Variants in MAP2 observed in about 807,000 individuals in gnomAD.
MAP2 encodes microtubule-associated protein 2.
In MAP2, 14 loss-of-function variants were observed where a neutral mutation model predicts 137.6. That is an observed-to-expected ratio of 0.10 (90% CI 0.07 to 0.16). The LOEUF is 0.16. Ranked by LOEUF, MAP2 falls within the 10% of genes least tolerant of loss-of-function variation. The pLI, the probability that MAP2 is intolerant of heterozygous loss-of-function variation, is 1.00. For synonymous variants in MAP2, 786 were observed against 782.3 expected (o/e 1.00, Z -0.08); for missense variants, 2,088 against 2,191.5 (o/e 0.95, Z 0.94).
chr2:209,660,115 T>G (rs1339230686), intron 5 of MAP2, among the ~76,000 whole-genome samples: 1 of 152,038 alleles, frequency 6.6e-6, no homozygotes, highest in East Asian at 1.9e-4. Flanking sequence ...CTTGGGTAAA[T>G]GTAAAGATTA....
chr2:209,504,898 G>A lies in MAP2; in HGVS notation c.-221-2694G>A, dbSNP rs563429556. On this transcript the variant is annotated intron_variant, in intron 1 of 15. Transcript: ENST00000682079. Reference sequence around the variant, plus strand: ...GTCTTTCATAGCCTAGTGTTCTTATGTACATTCTATTTTAGCCATCTCTTG... The same window carrying A: ...GTCTTTCATAGCCTAGTGTTCTTATATACATTCTATTTTAGCCATCTCTTG... Among the ~76,000 whole-genome samples the A allele has an allele frequency of 4.6e-5, 7 of 152,096 alleles. No individual in the cohort carries two copies. In the East Asian group the frequency reaches 1.2e-3, roughly 25 times the overall value.
At chr2:209,596,261 G>A (rs1307720271) in intron 3 of MAP2, among the ~76,000 whole-genome samples, 1 of 152,136 alleles carries the variant, frequency 6.6e-6, no homozygotes, top group Admixed American at 6.6e-5. Context: ...GATAAAATGT[G>A]TATTTTCCCT....
intron 10 of MAP2, among the ~76,000 whole-genome samples, chr2:209,697,403 C>T (rs1243877251): frequency 6.6e-5 from 10 of 151,878 alleles, no homozygotes; most frequent in Admixed American, 6.6e-4. Context: ...GCTTATTTAT[C>T]TCTCTCATGC....
At chr2:209,451,869 C>G (rs1358487458) in intron 1 of MAP2, among the ~76,000 whole-genome samples, 1 of 152,160 alleles carries the variant, frequency 6.6e-6, no homozygotes, top group Non-Finnish European at 1.5e-5. Context: ...CAACCTAATC[C>G]TCTCTCTACT....
intron 7 of MAP2, among the ~76,000 whole-genome samples, chr2:209,688,114 C>G (rs2153703684): frequency 6.6e-6 from 1 of 152,226 alleles, no homozygotes; most frequent in African/African-American, 2.4e-5. Context: ...TGAATCTATC[C>G]AAATGCCTTA....
At chr2:209,429,414 T>C (rs946512244) in intron 1 of MAP2, among the ~76,000 whole-genome samples, 1 of 152,012 alleles carries the variant, frequency 6.6e-6, no homozygotes, top group African/African-American at 2.4e-5. Context: ...GTAAAGTTAC[T>C]ATGTGTCAGG....
Position 209,694,875 on chromosome 2 carries a change from A to G in MAP2, c.2705A>G (p.Asp902Gly), listed in dbSNP as rs1341372620. 2 of 1,614,224 alleles carry G rather than the reference A, an allele frequency of 1.2e-6. No individual in the cohort carries two copies. The highest frequency in any genetic ancestry group is 1.6e-4 in the Middle Eastern group (1 of 6,062). Reference sequence around the variant, plus strand: ...GGTACCTTTTACGAAGGCACTGATGATAAAGTTCGAAGAGATTTGGCCACA... The same window carrying G: ...GGTACCTTTTACGAAGGCACTGATGGTAAAGTTCGAAGAGATTTGGCCACA... ...ESGTFYEGTD[D>G]KVRRDLATDL... The change falls in exon 8 of 16, where the codon GAT (aspartate) becomes GGT (glycine). Residue 902 changes from aspartate (D) to glycine (G), a missense_variant. Coordinates refer to ENST00000682079, the MANE Select transcript of MAP2 (RefSeq NM_001375505.1).
intron 1 of MAP2, among the ~76,000 whole-genome samples, chr2:209,494,310 A>G (rs1034075455): frequency 2.0e-5 from 3 of 152,072 alleles, no homozygotes; most frequent in African/African-American, 7.2e-5. Context: ...GAGGGATACC[A>G]TTAGGAGAAA....
Position 209,680,074 on chromosome 2 carries a change from A to T in MAP2, c.377-676A>T, listed in dbSNP as rs1381349324. Reference sequence around the variant, plus strand: ...AAAACTTAACATTAACTGTAAATGAATTACATCTTTTAGAACCTTTTTCTC... The same window carrying T: ...AAAACTTAACATTAACTGTAAATGATTTACATCTTTTAGAACCTTTTTCTC... On this transcript the variant is annotated intron_variant, in intron 6 of 15. Transcript: ENST00000682079. Among the ~76,000 whole-genome samples, 3 of 152,184 alleles carry T rather than the reference A, an allele frequency of 2.0e-5. No individual in the cohort carries two copies. The East Asian group carries it at 5.8e-4, about 29-fold the overall frequency.
At chr2:209,532,053 A>G (rs1416101379) in intron 2 of MAP2, among the ~76,000 whole-genome samples, 1 of 152,022 alleles carries the variant, frequency 6.6e-6, no homozygotes, top group African/African-American at 2.4e-5. Flanking sequence ...AGCTTGGGCA[A>G]TATAGTGAGA....
Position 209,694,326 on chromosome 2 carries a change from G to A in MAP2, c.2156G>A (p.Gly719Asp), listed in dbSNP as rs148922251. The change falls in exon 8 of 16, where the codon GGT becomes GAT. Residue 719 changes from glycine to aspartate, a missense_variant. By Grantham distance (94) the Gly-to-Asp change is moderately conservative. Around this residue, in one of 6 missense-constraint regions of MAP2, gnomAD observed 500 missense variants for 482.9 expected, o/e 1.04. Transcript: ENST00000682079. ...TCCATAGCCCTTGGATTTAACTTTG[G>A]TCGGGGACATGATCTTTCTCCTCTG... The part of the protein sequence containing the change: ...LDSIALGFNF[G>D]RGHDLSPLAS... 1,996 of 1,613,958 alleles carry A rather than the reference G, an allele frequency of 1.2e-3. 3 individuals carry two copies. Among genetic ancestry groups the A allele is most frequent in the Non-Finnish European group, 1.3e-3 (1,554 of 1,180,014 alleles).
At chr2:209,465,363 A>G (rs963044723) in intron 1 of MAP2, among the ~76,000 whole-genome samples, 3 of 152,186 alleles carry the variant, frequency 2.0e-5, no homozygotes, top group Admixed American at 1.3e-4. Context: ...GGAGTGAGTA[A>G]TATAACATTT....
chr2:209,484,217 A>T (rs1229405404), intron 1 of MAP2, among the ~76,000 whole-genome samples: 1 of 152,228 alleles, frequency 6.6e-6, no homozygotes, highest in Non-Finnish European at 1.5e-5. Context: ...CTTCCCCCTG[A>T]GTGCAGTAGA....
At chr2:209,680,010 A>G (rs1402275915) in intron 6 of MAP2, among the ~76,000 whole-genome samples, 1 of 152,148 alleles carries the variant, frequency 6.6e-6, no homozygotes, top group Non-Finnish European at 1.5e-5. Context: ...TTACTGTCAT[A>G]TGAGGGGGAT....
At chr2:209,477,089 C>A (rs1707437765) in intron 1 of MAP2, among the ~76,000 whole-genome samples, 1 of 152,112 alleles carries the variant, frequency 6.6e-6, no homozygotes. Flanking sequence ...TGACGTCTTC[C>A]CCAAGCTTCA....
At chr2:209,637,970 A>G (rs1022243274) in intron 4 of MAP2, among the ~76,000 whole-genome samples, 1 of 152,146 alleles carries the variant, frequency 6.6e-6, no homozygotes, top group African/African-American at 2.4e-5. Flanking sequence ...CAGGCCCACC[A>G]CATAATATTG....
intron 5 of MAP2, chr2:209,661,555 G>C (rs2043646575): frequency 2.0e-6 from 2 of 985,368 alleles, no homozygotes; most frequent in Admixed American, 6.1e-5. Context: ...ATCTGGGCCT[G>C]GTGGCACCGA....
Position 209,695,617 on chromosome 2 carries a change from G to T in MAP2, c.3447G>T (p.Glu1149Asp). 1 of 1,613,968 alleles carries T rather than the reference G, an allele frequency of 6.2e-7. No individual in the cohort carries two copies. The highest frequency in any genetic ancestry group is 1.1e-5 in the South Asian group (1 of 91,048). Residue 1149 changes from glutamate to aspartate, a missense_variant, in exon 8 of 16, where the codon GAG becomes GAT. By Grantham distance (45) the Glu-to-Asp change is conservative. Transcript: ENST00000682079. Reference protein sequence around the residue: ...SLTMESLKADEGKKETSPESS... With the variant: ...SLTMESLKADDGKKETSPESS... ...CCATGGAGTCCTTGAAAGCTGATGA[G>T]GGCAAGAAGGAAACATCTCCAGAAT... is the stretch of plus-strand genomic sequence containing the variant.
intron 7 of MAP2, among the ~76,000 whole-genome samples, chr2:209,682,063 T>C (rs1383116354): frequency 3.9e-5 from 6 of 152,194 alleles, no homozygotes; most frequent in African/African-American, 9.6e-5. Context: ...TAATGTGATT[T>C]AATCTTTTAA....
Sources: gnomAD v4.1 joint callset for allele counts (sites outside exome capture counted in the v4.1 genomes callset) on GRCh38, gnomAD v4.1.1 for gene constraint, gnomAD v4.1.1 regional missense constraint, MANE v1.5 for transcripts, NCBI Gene and HGNC (gene_info 2026-07-23, HGNC 2026-07-21) for gene names.